Variants in CRB1 observed in about 807,000 individuals in gnomAD.
CRB1 encodes the protein crumbs cell polarity complex component 1.
Under a neutral mutation model 120.0 loss-of-function variants are expected in CRB1, and 83 were observed. That is an observed-to-expected ratio of 0.69 (90% CI 0.58 to 0.83). The LOEUF is 0.83. CRB1 is among the 40% of genes least tolerant of loss of function. The pLI is 0.00. For missense variants in CRB1, 1,699 were observed against 1,687.6 expected (o/e 1.01, Z -0.12); for synonymous variants, 625 against 612.5 (o/e 1.02, Z -0.30).
At chr1:197,461,295 G>A (rs1389418614) in intron 11 of CRB1, among the ~76,000 whole-genome samples, 1 of 152,136 alleles carries the variant, frequency 6.6e-6, no homozygotes, top group African/African-American at 2.4e-5. Context: ...TTAGTCTTCT[G>A]CCTTGAAACA....
At chr1:197,418,452 G>A (rs1035091216) in intron 5 of CRB1, among the ~76,000 whole-genome samples, 13 of 152,088 alleles carry the variant, frequency 8.5e-5, no homozygotes, top group Admixed American at 2.0e-4. Flanking sequence ...TGCTGTGGGC[G>A]TCTCTAAGAA....
the CRB1 span, chr1:197,222,779 A>G: frequency 8.4e-7 from 1 of 1,196,758 alleles, no homozygotes; most frequent in Admixed American, 1.7e-5. Context: ...TCCAAGTGCT[A>G]CATGATATTT....
chr1:197,269,950 G>GTC (rs1456849344), intron 1 of CRB1, among the ~76,000 whole-genome samples: 3 of 152,050 alleles, frequency 2.0e-5, no homozygotes, highest in African/African-American at 7.2e-5. Context: ...GTTTAAAAAA[G>GTC]TACATTTGAA....
intron 1 of CRB1, among the ~76,000 whole-genome samples, chr1:197,312,638 AAATAT>A (rs1657602629): frequency 6.6e-6 from 1 of 152,202 alleles, no homozygotes; most frequent in East Asian, 1.9e-4. Flanking sequence ...AAGATAGAAA[AAATAT>A]AATATGGCTA....
chr1:197,309,935 A>G (rs894685602), intron 1 of CRB1, among the ~76,000 whole-genome samples: 8 of 152,150 alleles, frequency 5.3e-5, no homozygotes, highest in Admixed American at 1.3e-4. Flanking sequence ...CACCTGCTGG[A>G]CTAACAATAT....
chr1:197,222,457 T>A, the CRB1 span: 1 of 768,682 alleles, frequency 1.3e-6, no homozygotes, highest in East Asian at 2.4e-5. Flanking sequence ...GTGAAGGGAG[T>A]GGACAAACTG....
At chr1:197,398,665 G>A (rs929230392) in intron 5 of CRB1, among the ~76,000 whole-genome samples, 1 of 152,014 alleles carries the variant, frequency 6.6e-6, no homozygotes, top group Non-Finnish European at 1.5e-5. Context: ...GCAAGTCAGC[G>A]AACATAAGAA....
At chr1:197,429,189 T>C in intron 7 of CRB1, 1 of 1,516,750 alleles carries the variant, frequency 6.6e-7, no homozygotes, top group Middle Eastern at 1.8e-4. Context: ...GACACTGCTA[T>C]ACTTGAAAAA....
intron 2 of CRB1, among the ~76,000 whole-genome samples, chr1:197,339,194 T>G (rs1331788946): frequency 2.0e-5 from 3 of 152,210 alleles, no homozygotes; most frequent in African/African-American, 4.8e-5. Flanking sequence ...TCTTACAACA[T>G]CTTGCTAAAC....
intron 5 of CRB1, among the ~76,000 whole-genome samples, chr1:197,401,745 G>T (rs935651733): frequency 6.6e-6 from 1 of 151,954 alleles, no homozygotes; most frequent in Admixed American, 6.6e-5. Context: ...TTAGTCACAT[G>T]AAGTTTATCT....
intron 2 of CRB1, among the ~76,000 whole-genome samples, chr1:197,335,846 C>T (rs1355670036): frequency 6.6e-6 from 1 of 152,226 alleles, no homozygotes; most frequent in Non-Finnish European, 1.5e-5. Flanking sequence ...CCACCCTTAA[C>T]ATTTAAGATG....
chr1:197,454,290 G>A (rs532886833), intron 11 of CRB1, among the ~76,000 whole-genome samples: 2 of 151,674 alleles, frequency 1.3e-5, no homozygotes, highest in East Asian at 3.9e-4. Flanking sequence ...ACTTAAGACA[G>A]AATTTAAAAT....
At chr1:197,336,506 T>C (rs1659163618) in intron 2 of CRB1, among the ~76,000 whole-genome samples, 1 of 152,212 alleles carries the variant, frequency 6.6e-6, no homozygotes, top group Non-Finnish European at 1.5e-5. Context: ...GATAATGTTT[T>C]ATGGTGTCTT....
chr1:197,383,288 A>G (rs1300211175), intron 5 of CRB1, among the ~76,000 whole-genome samples: 1 of 152,156 alleles, frequency 6.6e-6, no homozygotes, highest in Non-Finnish European at 1.5e-5. Context: ...AATAGGGATC[A>G]TACTAACAAT....
chr1:197,295,510 AAG>A (rs1405644069), intron 1 of CRB1, among the ~76,000 whole-genome samples: 2 of 152,048 alleles, frequency 1.3e-5, no homozygotes, highest in Non-Finnish European at 2.9e-5. Flanking sequence ...GAGCCAAAGA[AAG>A]AGAGGAACCA....
At chr1:197,381,353 CACTT>C (rs545990027) in intron 5 of CRB1, among the ~76,000 whole-genome samples, 57 of 152,326 alleles carry the variant, frequency 3.7e-4, no homozygotes, top group East Asian at 9.6e-4. Flanking sequence ...GCATAATCCT[CACTT>C]ACTTCGTATC....
the CRB1 span, among the ~76,000 whole-genome samples, chr1:197,242,594 G>A: frequency 6.6e-6 from 1 of 152,092 alleles, no homozygotes. Context: ...TTTTATTGAG[G>A]ATTTTTGCAT....
At chr1:197,245,861 C>T in the CRB1 span, among the ~76,000 whole-genome samples, 1 of 151,984 alleles carries the variant, frequency 6.6e-6, no homozygotes, top group Non-Finnish European at 1.5e-5. Flanking sequence ...TCTGTGGCCT[C>T]CGCTGATGTT....
rs925699274 is a variant in CRB1 at position 197,363,912 on chromosome 1, G to A, written c.1171+6899G>A. On this transcript the variant is annotated intron_variant, in intron 5 of 11. Coordinates refer to ENST00000367400, the MANE Select transcript of CRB1 (RefSeq NM_201253.3). ...GGACCCTAAACAGAATCCTCACTACGGATGGGCTCACTGAGGACATTAAGC... is the reference window on the plus strand; with the variant it reads ...GGACCCTAAACAGAATCCTCACTACAGATGGGCTCACTGAGGACATTAAGC... The A allele has an allele frequency of 1.1e-5, 14 of 1,236,570 alleles. No individual in the cohort carries two copies. The Admixed American group carries it at 1.9e-4, about 16-fold the overall frequency. 76.6% of individuals were successfully genotyped at this position (1,236,570 alleles called of 1,614,324 possible).
Sources: allele counts gnomAD v4.1 joint callset (sites outside exome capture counted in the v4.1 genomes callset), GRCh38; gene constraint gnomAD v4.1.1; transcripts MANE v1.5; gene names NCBI Gene and HGNC (gene_info 2026-07-23, HGNC 2026-07-21).